ARHGAP17: variants seen among roughly 807,000 people sequenced by gnomAD.
The protein encoded by ARHGAP17 is rho GTPase-activating protein 17.
Under a neutral mutation model 99.5 loss-of-function variants are expected in ARHGAP17, and 57 were observed. The observed-to-expected ratio is 0.57, with a 90% confidence interval of 0.46 to 0.71. ARHGAP17 has a LOEUF of 0.71. Among genes scored for constraint, ARHGAP17 ranks in the 30% least tolerant of loss-of-function variants. The pLI is 0.00. For synonymous variants in ARHGAP17, 417 were observed against 429.6 expected (o/e 0.97, Z 0.36); for missense variants, 1,000 against 1,122.4 (o/e 0.89, Z 1.56).
At chr16:24,923,941 A>G (rs1328970023) in intron 19 of ARHGAP17, among the ~76,000 whole-genome samples, 1 of 152,104 alleles carries the variant, frequency 6.6e-6, no homozygotes, top group African/African-American at 2.4e-5. Flanking sequence ...AGGTTCTAGA[A>G]GATTTACTTA....
chr16:24,974,681 TACAGACAGGAAA>T (rs1301830506), intron 3 of ARHGAP17, among the ~76,000 whole-genome samples: 2 of 152,028 alleles, frequency 1.3e-5, no homozygotes, highest in African/African-American at 4.8e-5. Flanking sequence ...GAAAGGAAAT[TACAGACAGGAAA>T]TGTAGCTCAG....
At chr16:25,008,611 C>T (rs1316462417) in intron 1 of ARHGAP17, among the ~76,000 whole-genome samples, 1 of 152,152 alleles carries the variant, frequency 6.6e-6, no homozygotes, top group East Asian at 1.9e-4. Flanking sequence ...GGTGAAACAT[C>T]CTGTGGTCTG....
In ARHGAP17 at chr16:24,949,269, T is replaced by C. The variant is rs111320257; in HGVS notation, c.1127+135A>G. The C allele has an allele frequency of 4.3e-4, 258 of 595,600 alleles. 7 individuals carry two copies. The highest frequency in any genetic ancestry group is 4.1e-3 in the African/African-American group (219 of 52,878). The allele number at this position is 595,600 out of a possible 1,614,324, so 36.9% of individuals were successfully genotyped here. A position where few individuals can be genotyped will look rare whatever the true frequency, so the allele number is the denominator to read the frequency against. On this transcript the variant is annotated intron_variant, in intron 13 of 19. Coordinates refer to ENST00000289968, the MANE Select transcript of ARHGAP17 (RefSeq NM_001006634.3). The stretch of plus-strand genomic sequence containing the variant: ...CCCATTCCCAGTAGCCCCAAGTTAC[T>C]CTCCAAAGTGATGTGGTTTTTTTTG...
At chr16:24,954,267 G>A (rs945979655) in intron 10 of ARHGAP17, among the ~76,000 whole-genome samples, 6 of 152,166 alleles carry the variant, frequency 3.9e-5, no homozygotes, top group African/African-American at 1.2e-4. Context: ...CCATTAGTGC[G>A]TCACGAAATC....
intron 13 of ARHGAP17, 111 bp downstream of exon 13, chr16:24,949,293 T>G: frequency 1.4e-6 from 1 of 732,476 alleles, no homozygotes; most frequent in Non-Finnish European, 2.2e-6. Flanking sequence ...TGGTTTTTTT[T>G]GTTGTTGTTG....
At chr16:24,942,196 G>A (rs575905279) in intron 15 of ARHGAP17, 53 bp from the exon 16 acceptor site, 11 of 1,540,826 alleles carry the variant, frequency 7.1e-6, no homozygotes, top group Non-Finnish European at 9.6e-6. Context: ...AGCAGGCGAG[G>A]GAGCTCTAAG....
At chr16:24,940,421 G>C (rs1026392475) in intron 16 of ARHGAP17, among the ~76,000 whole-genome samples, 2 of 152,196 alleles carry the variant, frequency 1.3e-5, no homozygotes, top group Non-Finnish European at 2.9e-5. Flanking sequence ...AGCTGGGCAT[G>C]GTAGCTCACA....
intron 1 of ARHGAP17, among the ~76,000 whole-genome samples, chr16:25,002,074 C>T (rs544736906): frequency 3.6e-4 from 54 of 150,320 alleles, no homozygotes; most frequent in African/African-American, 1.2e-3. Flanking sequence ...GAGCGAGACT[C>T]CATCTAAAAA....
In ARHGAP17 at chr16:24,955,134, G is replaced by GAC. The variant is rs1391324570; in HGVS notation, c.725-406_725-405dup. The stretch of plus-strand genomic sequence containing the variant: ...GCCATGCAAAGCCTTCTAGCTAGAG[G>GAC]ACAAGAAATAGATTCTTTGCTATGC... On this transcript the variant is annotated intron_variant, in intron 9 of 19. Coordinates refer to ENST00000289968, the MANE Select transcript of ARHGAP17 (RefSeq NM_001006634.3). The surrounding 1 kb of genome is among the most constrained non-coding windows in gnomAD (Gnocchi z 4.0). 6.2e-6 allele frequency: 1 copy of GAC among 160,880 alleles called. No individual in the cohort carries two copies. The allele number at this position is 160,880 out of a possible 1,614,324, so 10.0% of individuals were successfully genotyped here.
At chr16:24,985,374 A>G (rs1236056668) in intron 1 of ARHGAP17, among the ~76,000 whole-genome samples, 2 of 152,198 alleles carry the variant, frequency 1.3e-5, no homozygotes, top group Non-Finnish European at 2.9e-5. Flanking sequence ...ACTACGATCA[A>G]GGTGGCAGCA....
At chr16:24,968,601 C>A in intron 5 of ARHGAP17, 60 bp downstream of exon 5, 1 of 1,576,746 alleles carries the variant, frequency 6.3e-7, no homozygotes, top group Non-Finnish European at 8.7e-7. Context: ...AAAATTTTAA[C>A]ACTCACTGTC....
chr16:24,950,836 C>CAAACAAAAAAAAA (rs1386246671), intron 12 of ARHGAP17, among the ~76,000 whole-genome samples: 6 of 39,434 alleles, frequency 1.5e-4, no homozygotes, highest in African/African-American at 6.3e-4. Context: ...GACTCCAACT[C>CAAACAAAAAAAAA]AAAAAAAAAA....
rs996777237 is a variant in ARHGAP17 at position 24,935,033 on chromosome 16, G to C, written c.1894+437C>G. ...CTTGGAGTTTTAAAGCAATTCCCCT[G>C]GCTGCTGGGTGGAGGACTGCAGGGA... On this transcript the variant is annotated intron_variant, in intron 18 of 19. Transcript: ENST00000289968. Among the ~76,000 whole-genome samples, 5 of 152,138 alleles carry C rather than the reference G, an allele frequency of 3.3e-5. No individual in the cohort carries two copies. The South Asian group carries it at 1.0e-3, about 32-fold the overall frequency.
At position 24,949,414 on chromosome 16, in the gene ARHGAP17, C is replaced by G. The variant is rs374896145; in HGVS notation, c.1117G>C (p.Val373Leu). The change falls in exon 13 of 20, where the codon GTT (valine) becomes CTT (leucine). Residue 373 changes from valine (V) to leucine (L), a missense_variant. Val to Leu is a conservative substitution (Grantham distance 32). Around this residue, in one of 2 missense-constraint regions of ARHGAP17, gnomAD observed 472 missense variants for 611.1 expected, o/e 0.77. Coordinates refer to ENST00000289968, the MANE Select transcript of ARHGAP17 (RefSeq NM_001006634.3). Reference sequence around the variant, plus strand: ...CTCAATCATACATACCTAAAGTTAACAAAATTTTGTGGTGGCAACTTCTGA... The same window carrying G: ...CTCAATCATACATACCTAAAGTTAAGAAAATTTTGTGGTGGCAACTTCTGA... Reference protein sequence around the residue: ...TCQKLPPQNFVNFRYLIKFLA... With the variant: ...TCQKLPPQNFLNFRYLIKFLA... 20 of 1,613,624 alleles carry G rather than the reference C, an allele frequency of 1.2e-5. No individual in the cohort carries two copies. The highest frequency in any genetic ancestry group is 1.7e-5 in the Non-Finnish European group (20 of 1,179,904).
intron 1 of ARHGAP17, among the ~76,000 whole-genome samples, chr16:24,980,576 C>T (rs2052647155): frequency 6.6e-6 from 1 of 152,172 alleles, no homozygotes; most frequent in Non-Finnish European, 1.5e-5. Context: ...CCAGGCATTG[C>T]TGAAGAGCCA....
chr16:24,978,114 C>T (rs2052572267), intron 2 of ARHGAP17, among the ~76,000 whole-genome samples: 1 of 152,178 alleles, frequency 6.6e-6, no homozygotes, highest in South Asian at 2.1e-4. Context: ...TTACCTTCCC[C>T]AAATCTTGCA....
At chr16:24,975,980 G>A (rs1025581259) in intron 3 of ARHGAP17, among the ~76,000 whole-genome samples, 2 of 152,022 alleles carry the variant, frequency 1.3e-5, no homozygotes, top group African/African-American at 4.8e-5. Context: ...TTTTCTCAGG[G>A]ATCTACCCTG....
intron 1 of ARHGAP17, among the ~76,000 whole-genome samples, chr16:24,983,732 C>A (rs2052772310): frequency 6.6e-6 from 1 of 152,226 alleles, no homozygotes; most frequent in Non-Finnish European, 1.5e-5. Context: ...CTGTCTGCAA[C>A]TGGAAAAACA....
intron 14 of ARHGAP17, among the ~76,000 whole-genome samples, chr16:24,946,048 AC>A (rs1304336480): frequency 6.6e-6 from 1 of 152,234 alleles, no homozygotes; most frequent in Non-Finnish European, 1.5e-5. Flanking sequence ...ACTTCTGATT[AC>A]TAAATGAGAT....
Sources: allele counts gnomAD v4.1 joint callset (sites outside exome capture counted in the v4.1 genomes callset), GRCh38; gene constraint gnomAD v4.1.1; regional missense constraint gnomAD v4.1.1; non-coding constraint Gnocchi (gnomAD v3.1); transcripts MANE v1.5; gene names NCBI Gene and HGNC (gene_info 2026-07-23, HGNC 2026-07-21).